Variants in FABP7 observed in about 807,000 individuals in gnomAD.
FABP7 encodes the protein fatty acid-binding protein, brain.
FABP7 carries 13 observed loss-of-function variants against 14.2 expected under a neutral mutation model. The observed-to-expected ratio is 0.91, with a 90% CI of 0.59 to 1.45. The LOEUF (loss-of-function observed/expected upper bound fraction) is 1.45, where lower values mean the gene tolerates loss of function less well. FABP7 is among the 40% of genes most tolerant of loss of function. The pLI is 0.00. For synonymous variants in FABP7, 49 were observed against 51.4 expected, an observed-to-expected ratio of 0.95 and a Z score of 0.20; for missense variants, 149 against 157.6, an observed-to-expected ratio of 0.95 and a Z score of 0.29.
the FABP7 span, among the ~76,000 whole-genome samples, chr6:122,769,272 T>C: frequency 6.6e-6 from 1 of 152,164 alleles, no homozygotes; most frequent in African/African-American, 2.4e-5. Context: ...CAACTACTAA[T>C]TTCCTTTTAT....
At chr6:122,751,754 A>G in the FABP7 span, among the ~76,000 whole-genome samples, 1 of 152,274 alleles carries the variant, frequency 6.6e-6, no homozygotes, top group Non-Finnish European at 1.5e-5. Flanking sequence ...TTTAAGAAGG[A>G]TTTCTACCTT....
chr6:122,782,034 G>A (rs973830832), intron 3 of FABP7: 30 of 984,806 alleles, frequency 3.0e-5, no homozygotes, highest in African/African-American at 1.2e-4. Flanking sequence ...TTACAGGCCT[G>A]AGCCAAGGCT....
chr6:122,777,845 A>AAAATAAATAAATAAAATAAAT (rs1780701904), upstream of FABP7, among the ~76,000 whole-genome samples: 1 of 143,778 alleles, frequency 7.0e-6, no homozygotes, highest in South Asian at 2.3e-4. Flanking sequence ...CCTTTCTCCA[A>AAAATAAATAAATAAAATAAAT]AAATAAATAA....
chr6:122,778,627 T>G (rs188773101), upstream of FABP7, among the ~76,000 whole-genome samples: 16 of 152,288 alleles, frequency 1.1e-4, no homozygotes, highest in African/African-American at 3.8e-4. Context: ...GGAATCTCTT[T>G]GGGTGAAGGG....
At chr6:122,779,602 T>C (rs1780728804), upstream of FABP7, 2 of 606,532 alleles carry the variant, frequency 3.3e-6, no homozygotes, top group Non-Finnish European at 5.9e-6. Flanking sequence ...TTCTCCTCTC[T>C]CTGTGACAGC....
rs558730572 is a variant in FABP7, at chr6:122,783,651, G to A, written c.349-66G>A. On this transcript the variant is annotated intron_variant, in intron 3 of 3. Transcript: ENST00000368444. ...ATAATACTTAGATCACATATATGAT[G>A]ATCTTTAAAATTCGGTGACTGAAGT... The A allele has an allele frequency of 1.5e-5, 23 of 1,547,160 alleles. No individual in the cohort carries two copies. In the African/African-American group the frequency reaches 3.0e-4, roughly 20 times the overall value.
the FABP7 span, among the ~76,000 whole-genome samples, chr6:122,762,402 G>C: frequency 6.6e-6 from 1 of 152,084 alleles, no homozygotes; most frequent in Non-Finnish European, 1.5e-5. Flanking sequence ...AAAATAATAA[G>C]AGCTATTTAT....
chr6:122,768,383 A>G, the FABP7 span, among the ~76,000 whole-genome samples: 1 of 152,172 alleles, frequency 6.6e-6, no homozygotes, highest in Non-Finnish European at 1.5e-5. Context: ...TGCACATGTA[A>G]AAAAGTTAAT....
chr6:122,757,906 G>A, the FABP7 span, among the ~76,000 whole-genome samples: 2 of 152,060 alleles, frequency 1.3e-5, no homozygotes, highest in African/African-American at 4.8e-5. Flanking sequence ...GATAGAATTT[G>A]ATCTTTACTA....
chr6:122,781,740 C>CTT (rs34336029), intron 3 of FABP7: 21,730 of 732,518 alleles, frequency 0.03, 45 homozygotes, highest in Non-Finnish European at 0.032. Flanking sequence ...AGTGATAACC[C>CTT]TTTTTTTTTT....
At chr6:122,749,817 G>A in the FABP7 span, among the ~76,000 whole-genome samples, 2 of 152,210 alleles carry the variant, frequency 1.3e-5, no homozygotes, top group African/African-American at 4.8e-5. Flanking sequence ...GTAGATTCTT[G>A]TATTATAAAA....
At chr6:122,765,108 G>T in the FABP7 span, among the ~76,000 whole-genome samples, 1 of 152,070 alleles carries the variant, frequency 6.6e-6, no homozygotes, top group Non-Finnish European at 1.5e-5. Flanking sequence ...ATGAGTCTCA[G>T]CTTTTTCAAA....
upstream of FABP7, among the ~76,000 whole-genome samples, chr6:122,779,045 G>A (rs552858287): frequency 6.6e-6 from 1 of 152,110 alleles, no homozygotes; most frequent in South Asian, 2.1e-4. Flanking sequence ...AAAGGACAAC[G>A]GGATCTTTAA....
chr6:122,768,967 C>A, the FABP7 span, among the ~76,000 whole-genome samples: 12 of 152,102 alleles, frequency 7.9e-5, no homozygotes, highest in African/African-American at 2.9e-4. Flanking sequence ...GCAATATTAA[C>A]TGTGCCTTCC....
the FABP7 span, among the ~76,000 whole-genome samples, chr6:122,757,947 T>C: frequency 6.6e-6 from 1 of 152,192 alleles, no homozygotes. Context: ...ACTGGTCCTT[T>C]ACTTAGACAT....
rs553304867 is a variant in FABP7 at position 122,781,914 on chromosome 6, T to C, written c.348+720T>C. 1,641 of 432,832 alleles carry C rather than the reference T, an allele frequency of 3.8e-3. 3 individuals are homozygous for C. Among genetic ancestry groups the C allele is most frequent in the Middle Eastern group, 0.013 (11 of 870 alleles). The allele number at this position is 432,832 out of a possible 1,614,324, so 26.8% of individuals were successfully genotyped here. ...AAGCCACCAACGCCGGGCTAATTTT[T>C]TTGTATTTTTGTAGAGATGGGATTT... On this transcript the variant is annotated intron_variant, in intron 3 of 3. Transcript: ENST00000368444.
chr6:122,754,470 G>A, the FABP7 span, among the ~76,000 whole-genome samples: 9 of 152,110 alleles, frequency 5.9e-5, no homozygotes, highest in South Asian at 1.9e-3. Context: ...ACTTCTGGAC[G>A]ACTTTTCTGA....
chr6:122,783,827 G>A lies in FABP7; in HGVS notation c.*60G>A. On this transcript the variant is annotated 3_prime_UTR_variant, in exon 4 of 4. Coordinates refer to ENST00000368444, the MANE Select transcript of FABP7 (RefSeq NM_001446.5). ...AGTTTTTCTGTTTCCTCAAGTCTCA[G>A]TGCTATCCTATTACAACATGGCTGA... is the stretch of plus-strand genomic sequence containing the variant. The A allele has an allele frequency of 2.3e-6, 3 of 1,331,418 alleles. No individual in the cohort carries two copies. Among genetic ancestry groups the A allele is most frequent in the Non-Finnish European group, 3.2e-6 (3 of 936,102 alleles). 82.5% of individuals were successfully genotyped at this position (1,331,418 alleles called of 1,614,324 possible). A position where few individuals can be genotyped will look rare whatever the true frequency, so the allele number is the denominator to read the frequency against.
the FABP7 span, among the ~76,000 whole-genome samples, chr6:122,772,091 A>C: frequency 6.6e-6 from 1 of 152,202 alleles, no homozygotes; most frequent in African/African-American, 2.4e-5. Context: ...ATAGGATGAC[A>C]TAACCATGGG....
Sources: allele counts gnomAD v4.1 joint callset (sites outside exome capture counted in the v4.1 genomes callset), GRCh38; gene constraint gnomAD v4.1.1; transcripts MANE v1.5; gene names NCBI Gene and HGNC (gene_info 2026-07-23, HGNC 2026-07-21).